CNTNAP2: variants seen among roughly 807,000 people sequenced by gnomAD.
CNTNAP2 encodes the protein contactin-associated protein-like 2.
CNTNAP2 carries 98 observed loss-of-function variants against 155.2 expected under a neutral mutation model. That is an observed-to-expected ratio of 0.63 (90% confidence interval 0.54 to 0.75). CNTNAP2 has a LOEUF of 0.75. CNTNAP2 is among the 30% of genes least tolerant of loss of function. CNTNAP2 has a pLI of 0.00. For missense variants in CNTNAP2, 1,727 were observed against 1,688.1 expected (o/e 1.02, Z -0.40); for synonymous variants, 651 against 631.2 (o/e 1.03, Z -0.47).
At chr7:147,142,106 C>T (rs999091070) in intron 8 of CNTNAP2, among the ~76,000 whole-genome samples, 10 of 152,146 alleles carry the variant, frequency 6.6e-5, no homozygotes, top group Non-Finnish European at 1.5e-4. Flanking sequence ...ACTTCCAACA[C>T]TGTGTTGAAT....
intron 13 of CNTNAP2, among the ~76,000 whole-genome samples, chr7:147,735,563 T>C (rs1327009972): frequency 6.6e-6 from 1 of 150,690 alleles, no homozygotes; most frequent in Non-Finnish European, 1.5e-5. Flanking sequence ...CCGAGTTCAA[T>C]TCCTGGATAT....
chr7:146,385,714 G>T (rs150219522), intron 1 of CNTNAP2, among the ~76,000 whole-genome samples: 109 of 152,262 alleles, frequency 7.2e-4, no homozygotes, highest in African/African-American at 2.3e-3. Context: ...ATCCCTTGGG[G>T]TTTCAGAGAA....
At chr7:147,252,682 G>A (rs1038412526) in intron 8 of CNTNAP2, among the ~76,000 whole-genome samples, 11 of 152,036 alleles carry the variant, frequency 7.2e-5, no homozygotes, top group African/African-American at 2.2e-4. Flanking sequence ...CCTTGGATTC[G>A]ATACTAATTA....
chr7:146,419,082 T>C (rs10234794), intron 1 of CNTNAP2, among the ~76,000 whole-genome samples: 5,170 of 152,150 alleles, frequency 0.034, 276 homozygotes, highest in African/African-American at 0.12. Flanking sequence ...ATAAAGAAAA[T>C]GATTTTTTTA....
chr7:147,672,581 T>C (rs1290618877), intron 13 of CNTNAP2: 1 of 151,816 alleles, frequency 6.6e-6, no homozygotes. Flanking sequence ...AAAGACCTTT[T>C]GCAAAAGTGA....
At chr7:147,539,922 C>G (rs948058124) in intron 11 of CNTNAP2, among the ~76,000 whole-genome samples, 1 of 152,148 alleles carries the variant, frequency 6.6e-6, no homozygotes. Flanking sequence ...ACTGTTAACT[C>G]TCTCATGTCC....
intron 20 of CNTNAP2, among the ~76,000 whole-genome samples, chr7:148,262,508 G>A (rs1387708549): frequency 1.3e-5 from 2 of 152,144 alleles, no homozygotes; most frequent in Admixed American, 6.5e-5. Context: ...TCTGAGAGGA[G>A]AATCTGTTTC....
At position 148,267,096 on chromosome 7, in the gene CNTNAP2, C is replaced by G; in HGVS notation, c.3445C>G (p.Pro1149Ala). The G allele has an allele frequency of 6.2e-7, 1 of 1,614,152 alleles. No homozygotes were observed. The highest frequency in any genetic ancestry group is 1.1e-5 in the South Asian group (1 of 91,078). Residue 1149 changes from proline to alanine, a missense_variant, in exon 21 of 24, where the codon CCC becomes GCC. Pro to Ala is a conservative substitution (Grantham distance 27). Transcript: ENST00000361727. ...TTCATCCGACACCCTCTTCAATTCT[C>G]CCAAGTCGCTCTTTCTGGGAAAAGT... ...PSSSDTLFNS[P>A]KSLFLGKVIE...
At chr7:147,793,547 A>G (rs1021785315) in intron 13 of CNTNAP2, among the ~76,000 whole-genome samples, 1 of 152,092 alleles carries the variant, frequency 6.6e-6, no homozygotes, top group Non-Finnish European at 1.5e-5. Flanking sequence ...TTTTATGCCA[A>G]TACCACACTG....
intron 14 of CNTNAP2, among the ~76,000 whole-genome samples, chr7:147,914,469 G>A (rs777054823): frequency 1.3e-5 from 2 of 151,602 alleles, no homozygotes; most frequent in Non-Finnish European, 1.5e-5. Context: ...GAACCCAGGA[G>A]GCAGAGGTTG....
intron 8 of CNTNAP2, among the ~76,000 whole-genome samples, chr7:147,200,017 A>C (rs1006053708): frequency 1.2e-4 from 18 of 152,092 alleles, no homozygotes; most frequent in African/African-American, 4.3e-4. Flanking sequence ...CACAACCATG[A>C]AGTGGGTTGA....
chr7:146,294,222 G>C (rs1800476908), intron 1 of CNTNAP2, among the ~76,000 whole-genome samples: 1 of 152,158 alleles, frequency 6.6e-6, no homozygotes, highest in African/African-American at 2.4e-5. Flanking sequence ...TAAACATTCA[G>C]TCATTCATCT....
intron 15 of CNTNAP2, among the ~76,000 whole-genome samples, chr7:148,058,954 C>T (rs1250093095): frequency 1.3e-5 from 2 of 151,750 alleles, no homozygotes; most frequent in African/African-American, 2.4e-5. Flanking sequence ...GATGTGGATT[C>T]GAGTTACATG....
chr7:146,778,733 TAAC>T (rs1802433098), intron 2 of CNTNAP2, among the ~76,000 whole-genome samples: 1 of 152,244 alleles, frequency 6.6e-6, no homozygotes, highest in African/African-American at 2.4e-5. Flanking sequence ...TCAATCTTCA[TAAC>T]AACCTGGTTA....
intron 1 of CNTNAP2, among the ~76,000 whole-genome samples, chr7:146,331,081 G>A (rs1357290430): frequency 4.6e-5 from 7 of 152,004 alleles, no homozygotes; most frequent in Non-Finnish European, 1.0e-4. Context: ...GAGTCGGGCG[G>A]ATCACGAGGT....
At chr7:146,255,353 G>A (rs1799821566) in intron 1 of CNTNAP2, among the ~76,000 whole-genome samples, 1 of 152,102 alleles carries the variant, frequency 6.6e-6, no homozygotes, top group Non-Finnish European at 1.5e-5. Flanking sequence ...TGCTGATAGG[G>A]ATTCAACAAA....
rs1799973510 is a variant in CNTNAP2 at position 148,415,793 on chromosome 7, C to G, written c.*177C>G. ...TGAGACTGATCACAAAAAAAAAAACCTTTTTAATATTTCTTTATAGCTGAG... is the reference window on the plus strand; with the variant it reads ...TGAGACTGATCACAAAAAAAAAAACGTTTTTAATATTTCTTTATAGCTGAG... On this transcript the variant is annotated 3_prime_UTR_variant, in exon 24 of 24. Transcript: ENST00000361727. The G allele has an allele frequency of 2.9e-6, 2 of 680,192 alleles. No individual in the cohort carries two copies. Among genetic ancestry groups the G allele is most frequent in the Non-Finnish European group, 4.9e-6 (2 of 409,146 alleles). 42.1% of individuals were successfully genotyped at this position (680,192 alleles called of 1,614,324 possible). A position where few individuals can be genotyped will look rare whatever the true frequency, so the allele number is the denominator to read the frequency against.
chr7:146,701,320 G>A (rs536190286), intron 1 of CNTNAP2, among the ~76,000 whole-genome samples: 1 of 152,226 alleles, frequency 6.6e-6, no homozygotes, highest in South Asian at 2.1e-4. Flanking sequence ...GAGTCTTAGA[G>A]CACCTGGCCT....
chr7:148,195,305 A>G (rs1485834224), intron 18 of CNTNAP2, among the ~76,000 whole-genome samples: 1 of 152,132 alleles, frequency 6.6e-6, no homozygotes, highest in African/African-American at 2.4e-5. Flanking sequence ...TCTAGAACCA[A>G]CTTTTAAATT....
Sources: allele counts gnomAD v4.1 joint callset (sites outside exome capture counted in the v4.1 genomes callset), GRCh38; gene constraint gnomAD v4.1.1; transcripts MANE v1.5; gene names NCBI Gene and HGNC (gene_info 2026-07-23, HGNC 2026-07-21).